FAM185A: variants seen among roughly 807,000 people sequenced by gnomAD.
The protein encoded by FAM185A is protein FAM185A.
FAM185A carries 21 observed loss-of-function variants against 45.7 expected under a neutral mutation model. That is an observed-to-expected ratio of 0.46 (90% CI 0.33 to 0.66). The LOEUF is 0.66. Among genes scored for constraint, FAM185A ranks in the 30% least tolerant of loss-of-function variants. The probability of loss-of-function intolerance (pLI) is 0.03; values close to 1 mark genes in which losing one functional copy is unlikely to be tolerated. For synonymous variants in FAM185A, 117 were observed against 194.0 expected (o/e 0.60, Z 3.30); for missense variants, 305 against 485.4 (o/e 0.63, Z 3.49).
intron 6 of FAM185A, among the ~76,000 whole-genome samples, chr7:102,782,105 G>C (rs1217779991): frequency 6.6e-6 from 1 of 152,088 alleles, no homozygotes; most frequent in South Asian, 2.1e-4. Context: ...AGAGAAAAAA[G>C]AATAAAAAGA....
At chr7:102,838,148 T>G in the FAM185A span, among the ~76,000 whole-genome samples, 2 of 152,212 alleles carry the variant, frequency 1.3e-5, no homozygotes, top group Non-Finnish European at 2.9e-5. Context: ...GGGGGCCCAC[T>G]GGCTTGAGTT....
chr7:102,761,432 T>C (rs537771189), intron 4 of FAM185A, 21 bp downstream of exon 4: 337 of 1,483,108 alleles, frequency 2.3e-4, no homozygotes, highest in Non-Finnish European at 2.9e-4. Context: ...AAAGGCATAA[T>C]ACATCTGAGA....
chr7:102,799,106 G>T (rs71570386), intron 7 of FAM185A, among the ~76,000 whole-genome samples: 1 of 152,180 alleles, frequency 6.6e-6, no homozygotes, highest in Admixed American at 6.5e-5. Context: ...GCAAATGGGT[G>T]CAAGGTACCG....
chr7:102,818,445 G>T, the FAM185A span, among the ~76,000 whole-genome samples: 2 of 152,196 alleles, frequency 1.3e-5, no homozygotes, highest in African/African-American at 4.8e-5. Context: ...ATTTAGCACA[G>T]TACGTGGCAA....
At chr7:102,835,799 C>T in the FAM185A span, among the ~76,000 whole-genome samples, 8 of 150,968 alleles carry the variant, frequency 5.3e-5, no homozygotes, top group South Asian at 2.1e-4. Flanking sequence ...TTAGTAGAGA[C>T]GGGGTTTCAC....
intron 4 of FAM185A, among the ~76,000 whole-genome samples, chr7:102,762,024 A>G (rs1331174648): frequency 6.6e-6 from 1 of 152,190 alleles, no homozygotes; most frequent in East Asian, 1.9e-4. Context: ...ATGAAGTAAA[A>G]GCAGTGTTAG....
chr7:102,833,957 T>C, the FAM185A span, among the ~76,000 whole-genome samples: 1 of 139,212 alleles, frequency 7.2e-6, no homozygotes, highest in Admixed American at 7.3e-5. Flanking sequence ...AACAAAACAA[T>C]CCACAAAAGT....
the FAM185A span, among the ~76,000 whole-genome samples, chr7:102,838,140 G>C: frequency 6.6e-6 from 1 of 152,124 alleles, no homozygotes. Context: ...CACAGTCTGG[G>C]GGCCCACTGG....
chr7:102,807,752 A>T (rs947516968), intron 7 of FAM185A, among the ~76,000 whole-genome samples: 96 of 93,032 alleles, frequency 1.0e-3, no homozygotes, highest in African/African-American at 7.6e-4. Flanking sequence ...TCTCCACTTA[A>T]AAAAAAAAAA....
chr7:102,786,686 G>T (rs1338832416), intron 6 of FAM185A, among the ~76,000 whole-genome samples: 1 of 152,142 alleles, frequency 6.6e-6, no homozygotes, highest in Non-Finnish European at 1.5e-5. Context: ...TGTGGGGTCA[G>T]GGCAGTGGGG....
chr7:102,840,320 A>G, the FAM185A span, among the ~76,000 whole-genome samples: 1 of 152,224 alleles, frequency 6.6e-6, no homozygotes, highest in African/African-American at 2.4e-5. Flanking sequence ...CCAAATGGCA[A>G]TCAGATATTT....
chr7:102,822,775 T>C, the FAM185A span, among the ~76,000 whole-genome samples: 2 of 152,166 alleles, frequency 1.3e-5, no homozygotes, highest in Non-Finnish European at 2.9e-5. Context: ...GTAGCACCAA[T>C]AGAAATTATG....
chr7:102,824,503 C>CT, the FAM185A span, among the ~76,000 whole-genome samples: 12 of 151,596 alleles, frequency 7.9e-5, no homozygotes, highest in East Asian at 1.4e-3. Context: ...TTTTTTCTTT[C>CT]TTTTTTTTAT....
Position 102,808,411 on chromosome 7 carries a change from T to G in FAM185A, c.*9T>G. 7.0e-7 allele frequency: 1 copy of G among 1,437,510 alleles called. No homozygotes were observed. Among genetic ancestry groups the G allele is most frequent in the Non-Finnish European group, 9.6e-7 (1 of 1,043,614 alleles). 89.0% of individuals were successfully genotyped at this position (1,437,510 alleles called of 1,614,324 possible). A position where few individuals can be genotyped will look rare whatever the true frequency, so the allele number is the denominator to read the frequency against. Reference sequence around the variant, plus strand: ...TGAAACTGCAGGACTAAAACTGATTTGAGTTGGATTTATGATTTTTAACAA... The same window carrying G: ...TGAAACTGCAGGACTAAAACTGATTGGAGTTGGATTTATGATTTTTAACAA... On this transcript the variant is annotated 3_prime_UTR_variant, in exon 8 of 8. Transcript: ENST00000413034.
chr7:102,751,247 T>G (rs1395967701), intron 1 of FAM185A, among the ~76,000 whole-genome samples: 1 of 152,212 alleles, frequency 6.6e-6, no homozygotes, highest in Non-Finnish European at 1.5e-5. Context: ...ATATATTAGC[T>G]TTTTCAAAGT....
rs999944256 is a variant in FAM185A, at chr7:102,749,783, C to T, written c.451+125C>T. On this transcript the variant is annotated intron_variant, in intron 1 of 7. Transcript: ENST00000413034. ...AAACCTAATTTACAGTTGGCCCCTT[C>T]GGAAATGCACCTTTTCCTCTGTTCT... 30 of 1,433,956 alleles carry T rather than the reference C, an allele frequency of 2.1e-5. No homozygotes were observed. In the African/African-American group the frequency reaches 4.2e-4, roughly 20 times the overall value. 88.8% of individuals were successfully genotyped at this position (1,433,956 alleles called of 1,614,324 possible).
At chr7:102,786,717 T>C (rs985217986) in intron 6 of FAM185A, among the ~76,000 whole-genome samples, 1 of 152,014 alleles carries the variant, frequency 6.6e-6, no homozygotes. Flanking sequence ...TTAGGAGATA[T>C]ACCTAATGTT....
chr7:102,833,363 G>A, the FAM185A span, among the ~76,000 whole-genome samples: 1 of 151,778 alleles, frequency 6.6e-6, no homozygotes, highest in Admixed American at 6.6e-5. Context: ...AGACAGACCC[G>A]AGTTTTGCTT....
chr7:102,756,643 C>T (rs1294438302), intron 2 of FAM185A, among the ~76,000 whole-genome samples: 7 of 151,624 alleles, frequency 4.6e-5, no homozygotes, highest in African/African-American at 1.7e-4. Context: ...GGCGACAGAG[C>T]GAGACTCTGT....
Sources: allele counts gnomAD v4.1 joint callset (sites outside exome capture counted in the v4.1 genomes callset), GRCh38; gene constraint gnomAD v4.1.1; transcripts MANE v1.5; gene names NCBI Gene and HGNC (gene_info 2026-07-23, HGNC 2026-07-21).